The following CLCN5 variants were observed in gnomAD, a reference collection of about 807,000 sequenced individuals.
The protein encoded by CLCN5 is H(+)/Cl(-) exchange transporter 5.
CLCN5 carries 17 observed loss-of-function variants against 54.0 expected under a neutral mutation model. The observed-to-expected ratio is 0.31, with a 90% confidence interval of 0.22 to 0.47. The LOEUF (loss-of-function observed/expected upper bound fraction) is 0.47, where lower values mean the gene tolerates loss of function less well. CLCN5 is among the 20% of genes least tolerant of loss of function. The probability of loss-of-function intolerance (pLI) is 1.00; values close to 1 mark genes in which losing one functional copy is unlikely to be tolerated. For missense variants in CLCN5, 448 were observed against 646.7 expected, an observed-to-expected ratio of 0.69 and a Z score of 3.33; for synonymous variants, 222 against 233.0, an observed-to-expected ratio of 0.95 and a Z score of 0.43.
intron 3 of CLCN5, 66 bp from the exon 4 acceptor site, chrX:50,042,250 G>A (rs1932246335): frequency 1.9e-6 from 1 of 537,410 alleles, no homozygotes; most frequent in Admixed American, 4.4e-5. Flanking sequence ...GGTTCAAATG[G>A]CAAATGTTAC....
intron 4 of CLCN5, among the ~76,000 whole-genome samples, chrX:50,060,267 T>C (rs895817053): frequency 6.4e-5 from 7 of 109,625 alleles, no homozygotes; most frequent in Non-Finnish European, 1.3e-4. Context: ...CACTAGGGAG[T>C]GCCAGAGAGT....
At chrX:50,041,335 C>T (rs190214610) in intron 3 of CLCN5, among the ~76,000 whole-genome samples, 97 of 111,759 alleles carry the variant, frequency 8.7e-4, no homozygotes, top group Admixed American at 2.1e-3. Context: ...GGTGGGCCTA[C>T]ATAAAGTTGG....
At chrX:50,047,708 T>C (rs1436138461) in intron 4 of CLCN5, among the ~76,000 whole-genome samples, 2 of 111,805 alleles carry the variant, frequency 1.8e-5, no homozygotes, top group African/African-American at 6.5e-5. Context: ...TCTCAGACTT[T>C]CCTTGTTTTT....
chrX:50,090,491 G>T lies in CLCN5; in HGVS notation c.2120G>T (p.Arg707Leu). 1 of 1,207,267 alleles carries T rather than the reference G, an allele frequency of 8.3e-7. No homozygotes were observed. The highest frequency in any genetic ancestry group is 1.1e-6 in the Non-Finnish European group (1 of 893,298). Residue 707 changes from arginine (R) to leucine (L), a missense_variant, in exon 13 of 15, where the codon CGA becomes CTA. By Grantham distance (102) the Arg-to-Leu change is moderately radical (BLOSUM62 -2). Transcript: ENST00000376091. The part of the protein sequence containing the change: ...ESQRLVGFVL[R>L]RDLIISIENA... ...CAAAGACTTGTGGGCTTTGTCCTCCGAAGAGATCTCATTATTTCAATTGGT... is the reference window on the plus strand; with the variant it reads ...CAAAGACTTGTGGGCTTTGTCCTCCTAAGAGATCTCATTATTTCAATTGGT...
In CLCN5 at chrX:50,066,774, G is replaced by A. The variant is rs782439970; in HGVS notation, c.164-3105G>A. ...TACCAGAGTTGTTGTTGCTTTCTGC[G>A]TAGAGCATTACTACTCAGAAACAAC... On this transcript the variant is annotated intron_variant, in intron 4 of 14. Coordinates refer to ENST00000376091, the MANE Select transcript of CLCN5 (RefSeq NM_001127898.4). Among the ~76,000 whole-genome samples, 42 of 111,975 alleles carry A rather than the reference G, an allele frequency of 3.8e-4. 1 individual carries two copies. Among genetic ancestry groups the A allele is most frequent in the African/African-American group, 9.7e-4 (30 of 30,892 alleles).
In CLCN5 at chrX:49,936,899, T is replaced by G. The variant is rs782627607; in HGVS notation, c.16+11585T>G. 4.5e-5 allele frequency among the ~76,000 whole-genome samples: 5 copies of G among 111,785 alleles called. No homozygotes were observed. The South Asian group carries it at 1.9e-3, about 42-fold the overall frequency. On this transcript the variant is annotated intron_variant, in intron 3 of 14. Coordinates refer to ENST00000376091, the MANE Select transcript of CLCN5 (RefSeq NM_001127898.4). ...GAGACCAGTCATGTTAATTATGATA[T>G]TTACATACTATGGAATGCTGTTCAT... is the stretch of plus-strand genomic sequence containing the variant.
intron 3 of CLCN5, among the ~76,000 whole-genome samples, chrX:49,953,972 A>G (rs187305391): frequency 9.0e-6 from 1 of 111,583 alleles, no homozygotes; most frequent in East Asian, 2.8e-4. Flanking sequence ...TCATATGCTT[A>G]TATTATTGAC....
chrX:50,019,475 T>A (rs1209818142), intron 3 of CLCN5, among the ~76,000 whole-genome samples: 9 of 93,800 alleles, frequency 9.6e-5, no homozygotes, highest in African/African-American at 3.5e-4. Flanking sequence ...TTTCTTTTTT[T>A]TTTTTTTTTT....
At chrX:50,085,234 G>T (rs1933844550) in intron 9 of CLCN5, among the ~76,000 whole-genome samples, 1 of 111,861 alleles carries the variant, frequency 8.9e-6, no homozygotes, top group Non-Finnish European at 1.9e-5. Context: ...TATTAATTTT[G>T]GTTTGTTTGC....
chrX:50,046,763 G>A (rs1458484681), intron 4 of CLCN5, among the ~76,000 whole-genome samples: 2 of 111,559 alleles, frequency 1.8e-5, no homozygotes, highest in East Asian at 5.6e-4. Flanking sequence ...GGTTGGAGAC[G>A]AGAAGACCAG....
intron 7 of CLCN5, among the ~76,000 whole-genome samples, chrX:50,079,649 G>A (rs1557192720): frequency 9.0e-6 from 1 of 111,008 alleles, no homozygotes; most frequent in Non-Finnish European, 1.9e-5. Context: ...GTACCACCAG[G>A]GTCCAAAACT....
chrX:50,080,761 T>G, intron 8 of CLCN5, 45 bp downstream of exon 8: 1 of 1,086,496 alleles, frequency 9.2e-7, no homozygotes, highest in Non-Finnish European at 1.3e-6. Context: ...ATATGAATAC[T>G]TTTTGGTTAA....
intron 9 of CLCN5, among the ~76,000 whole-genome samples, chrX:50,084,132 C>G (rs1170162211): frequency 4.5e-5 from 5 of 111,866 alleles, no homozygotes; most frequent in African/African-American, 1.6e-4. Context: ...GATGGTCTAG[C>G]CTACTACACA....
At chrX:49,944,788 C>T (rs1197061709) in intron 3 of CLCN5, among the ~76,000 whole-genome samples, 1 of 111,592 alleles carries the variant, frequency 9.0e-6, no homozygotes, top group Admixed American at 9.5e-5. Context: ...TTTTGATGTG[C>T]TGCTGGATTC....
chrX:50,058,812 T>C (rs1402127053), intron 4 of CLCN5, among the ~76,000 whole-genome samples: 1 of 111,595 alleles, frequency 9.0e-6, no homozygotes, highest in Non-Finnish European at 1.9e-5. Flanking sequence ...GCCTTCAAAA[T>C]TTGAGATAAG....
intron 3 of CLCN5, among the ~76,000 whole-genome samples, chrX:49,968,802 A>C (rs1439622036): frequency 6.2e-4 from 42 of 67,499 alleles, no homozygotes; most frequent in Non-Finnish European, 4.7e-4. Flanking sequence ...GCAACAAAAG[A>C]CAAAATTGAC....
At chrX:49,940,362 G>T (rs1926263786) in intron 3 of CLCN5, among the ~76,000 whole-genome samples, 2 of 112,073 alleles carry the variant, frequency 1.8e-5, no homozygotes, top group East Asian at 5.6e-4. Context: ...CTGGTACTTT[G>T]CTGACTGAAA....
chrX:49,963,281 A>G (rs1182262881), intron 3 of CLCN5, among the ~76,000 whole-genome samples: 6 of 111,697 alleles, frequency 5.4e-5, no homozygotes, highest in Admixed American at 2.9e-4. Context: ...TTAGGATTTC[A>G]GAAGATACTA....
Position 50,042,451 on chromosome X carries a change from G to T in CLCN5, c.152G>T (p.Arg51Leu). ...SMRDDVPPLD[R>L]EVGEDKSYNG... ...AGAGATGATGTTCCTCCCTTAGACC[G>T]AGAAGTAGGAGGTATCATTATTGGT... is the stretch of plus-strand genomic sequence containing the variant. The change falls in exon 4 of 15, where the codon CGA becomes CTA. Residue 51 changes from arginine to leucine, a missense_variant. Physicochemically the swap from Arg to Leu is moderately radical, Grantham distance 102. Coordinates refer to ENST00000376091, the MANE Select transcript of CLCN5 (RefSeq NM_001127898.4). The T allele has an allele frequency of 9.5e-7, 1 of 1,050,972 alleles. No homozygotes were observed. The highest frequency in any genetic ancestry group is 1.3e-6 in the Non-Finnish European group (1 of 796,241). The allele number at this position is 1,050,972 out of a possible 1,213,427, so 86.6% of individuals were successfully genotyped here.
Sources: gnomAD v4.1 joint callset for allele counts (sites outside exome capture counted in the v4.1 genomes callset) on GRCh38, gnomAD v4.1.1 for gene constraint, MANE v1.5 for transcripts, NCBI Gene and HGNC (gene_info 2026-07-23, HGNC 2026-07-21) for gene names.